Variants in KLHL32 observed in about 807,000 individuals in gnomAD.
KLHL32 encodes kelch like family member 32.
Under a neutral mutation model 64.8 loss-of-function variants are expected in KLHL32, and 35 were observed. The ratio of observed to expected loss-of-function variants is 0.54; its 90% CI spans 0.41 to 0.72. The LOEUF (loss-of-function observed/expected upper bound fraction) is 0.72. Ranked by LOEUF, KLHL32 falls within the 30% of genes least tolerant of loss-of-function variation. The pLI, the probability that KLHL32 is intolerant of heterozygous loss-of-function variation, is 0.00. For missense variants in KLHL32, 589 were observed against 768.5 expected, an observed-to-expected ratio of 0.77 and a Z score of 2.76; for synonymous variants, 259 against 281.0, an observed-to-expected ratio of 0.92 and a Z score of 0.78.
chr6:97,123,757 T>C lies in KLHL32; in HGVS notation c.1355-3647T>C, dbSNP rs150490295. On this transcript the variant is annotated intron_variant, in intron 7 of 10. Transcript: ENST00000369261. ...AAAATATACTCGATAGAGGAAGGCATGGAATCTATCTTTGCAAGTGCTTTG... is the reference window on the plus strand; with the variant it reads ...AAAATATACTCGATAGAGGAAGGCACGGAATCTATCTTTGCAAGTGCTTTG... 1.9e-3 allele frequency among the ~76,000 whole-genome samples: 287 copies of C among 152,218 alleles called. 2 individuals carry two copies. The highest frequency in any genetic ancestry group is 6.7e-3 in the African/African-American group (277 of 41,544).
At chr6:97,103,673 T>C (rs888712956) in intron 6 of KLHL32, among the ~76,000 whole-genome samples, 3 of 152,256 alleles carry the variant, frequency 2.0e-5, no homozygotes, top group African/African-American at 7.2e-5. Flanking sequence ...GTGACTATGA[T>C]GTAACCTAGT....
chr6:97,113,904 T>C lies in KLHL32; in HGVS notation c.749T>C (p.Leu250Pro). The C allele has an allele frequency of 6.2e-7, 1 of 1,614,086 alleles. No individual in the cohort carries two copies. The highest frequency in any genetic ancestry group is 8.5e-7 in the Non-Finnish European group (1 of 1,180,002). ...CATACAGTTGCCCTGTCCCACCCCCTTGTCCAAGCAAGTGAGACTGCAACA... is the reference window on the plus strand; with the variant it reads ...CATACAGTTGCCCTGTCCCACCCCCCTGTCCAAGCAAGTGAGACTGCAACA... ...TLHTVALSHP[L>P]VQASETATAL... The change falls in exon 7 of 11, where the codon CTT (leucine) becomes CCT (proline). Residue 250 changes from leucine to proline, a missense_variant. By Grantham distance (98) the Leu-to-Pro change is moderately conservative. Coordinates refer to ENST00000369261, the MANE Select transcript of KLHL32 (RefSeq NM_052904.4).
chr6:97,053,716 T>C (rs932732325), intron 4 of KLHL32, among the ~76,000 whole-genome samples: 2 of 151,858 alleles, frequency 1.3e-5, no homozygotes, highest in Non-Finnish European at 2.9e-5. Flanking sequence ...TATAAGTACA[T>C]TTGTTTTTTT....
chr6:96,950,604 TTGAG>T (rs745718635), intron 1 of KLHL32, among the ~76,000 whole-genome samples: 2 of 150,228 alleles, frequency 1.3e-5, no homozygotes, highest in Non-Finnish European at 3.0e-5. Flanking sequence ...ATTGAATGAG[TTGAG>T]TGAGTGAGTG....
intron 6 of KLHL32, among the ~76,000 whole-genome samples, chr6:97,107,358 T>C (rs1796562594): frequency 6.6e-6 from 1 of 152,148 alleles, no homozygotes; most frequent in Non-Finnish European, 1.5e-5. Context: ...AAATAATTAT[T>C]GATGGAAAAA....
chr6:97,041,320 A>C (rs1335142515), intron 3 of KLHL32, among the ~76,000 whole-genome samples, 172 bp from the exon 4 acceptor site: 2 of 152,272 alleles, frequency 1.3e-5, no homozygotes, highest in African/African-American at 2.4e-5. Context: ...CTGTTCAGAC[A>C]TCAAAATGAT....
At chr6:96,985,161 G>T (rs1415719497) in intron 3 of KLHL32, among the ~76,000 whole-genome samples, 1 of 151,916 alleles carries the variant, frequency 6.6e-6, no homozygotes, top group South Asian at 2.1e-4. Flanking sequence ...GAAATTCTGG[G>T]TTGAAAATTC....
intron 5 of KLHL32, among the ~76,000 whole-genome samples, chr6:97,076,458 TA>T (rs1315207563): frequency 6.6e-6 from 1 of 152,204 alleles, no homozygotes; most frequent in Non-Finnish European, 1.5e-5. Flanking sequence ...TCGCAATTTT[TA>T]GATGAGAAAA....
In KLHL32 at chr6:96,942,763, T is replaced by C. The variant is rs184796142; in HGVS notation, c.-66+17737T>C. On this transcript the variant is annotated intron_variant, in intron 1 of 10. Coordinates refer to ENST00000369261, the MANE Select transcript of KLHL32 (RefSeq NM_052904.4). ...AGAGAGGGGAGAAAGCATAGAGAGA[T>C]TGAAAAAGACTTTCCCCAGGTTATT... Among the ~76,000 whole-genome samples, 414 of 150,712 alleles carry C rather than the reference T, an allele frequency of 2.7e-3. 2 individuals carry two copies. Among genetic ancestry groups the C allele is most frequent in the African/African-American group, 9.8e-3 (404 of 41,018 alleles).
intron 1 of KLHL32, among the ~76,000 whole-genome samples, chr6:96,962,052 G>A (rs112408037): frequency 6.6e-6 from 1 of 152,124 alleles, no homozygotes; most frequent in African/African-American, 2.4e-5. Context: ...ACTTGCCAGT[G>A]GCAGTTTTAA....
At chr6:96,955,657 C>T (rs1773167999) in intron 1 of KLHL32, among the ~76,000 whole-genome samples, 1 of 152,156 alleles carries the variant, frequency 6.6e-6, no homozygotes. Context: ...ATACCCGAGG[C>T]CAGGCACGGT....
intron 3 of KLHL32, among the ~76,000 whole-genome samples, chr6:97,019,101 C>G (rs979134873): frequency 6.6e-6 from 1 of 152,074 alleles, no homozygotes; most frequent in Non-Finnish European, 1.5e-5. Flanking sequence ...TAGCCTCCTC[C>G]TATCATATAC....
At chr6:97,058,038 A>T (rs1054479115) in intron 4 of KLHL32, among the ~76,000 whole-genome samples, 1 of 152,130 alleles carries the variant, frequency 6.6e-6, no homozygotes, top group African/African-American at 2.4e-5. Flanking sequence ...AATATTATCT[A>T]TGCTCTTTCA....
At chr6:96,956,065 C>T (rs759764610) in intron 1 of KLHL32, among the ~76,000 whole-genome samples, 8 of 152,128 alleles carry the variant, frequency 5.3e-5, no homozygotes, top group Non-Finnish European at 1.2e-4. Flanking sequence ...GTGAAAGGCA[C>T]GTCTCATATG....
At chr6:97,083,389 CAA>C (rs5878462) in intron 5 of KLHL32, among the ~76,000 whole-genome samples, 2,679 of 140,858 alleles carry the variant, frequency 0.019, 37 homozygotes, top group African/African-American at 0.039. Flanking sequence ...GACTCCGTCT[CAA>C]AAAAAAAAAA....
chr6:97,069,564 G>A (rs1349373684), intron 5 of KLHL32, among the ~76,000 whole-genome samples: 1 of 152,086 alleles, frequency 6.6e-6, no homozygotes, highest in African/African-American at 2.4e-5. Flanking sequence ...GTTGGAAAAT[G>A]TCTCACCACC....
At chr6:97,132,585 C>A in intron 9 of KLHL32, 68 bp from the exon 10 acceptor site, 1 of 1,241,506 alleles carries the variant, frequency 8.1e-7, no homozygotes, top group Non-Finnish European at 1.2e-6. Flanking sequence ...CCCTCAGTGG[C>A]AAAAGGGTTA....
At chr6:97,095,549 C>A (rs1384138066) in intron 6 of KLHL32, among the ~76,000 whole-genome samples, 2 of 152,196 alleles carry the variant, frequency 1.3e-5, no homozygotes, top group African/African-American at 4.8e-5. Context: ...GCTGGGAAAT[C>A]CTGTTTTCGA....
chr6:96,909,366 T>C, the KLHL32 span, among the ~76,000 whole-genome samples: 1 of 152,226 alleles, frequency 6.6e-6, no homozygotes, highest in Non-Finnish European at 1.5e-5. Flanking sequence ...TTTTTGGACC[T>C]TCTTTCTGTC....
Sources: allele counts gnomAD v4.1 joint callset (sites outside exome capture counted in the v4.1 genomes callset), GRCh38; gene constraint gnomAD v4.1.1; transcripts MANE v1.5; gene names NCBI Gene and HGNC (gene_info 2026-07-23, HGNC 2026-07-21).